Variants in POLR2F observed in about 807,000 individuals in gnomAD.
The protein encoded by POLR2F is DNA-directed RNA polymerases I, II, and III subunit RPABC2.
In POLR2F, 12 loss-of-function variants were observed where a neutral mutation model predicts 22.7. The observed-to-expected ratio is 0.53, with a 90% confidence interval of 0.34 to 0.86. The LOEUF (loss-of-function observed/expected upper bound fraction) is 0.86, where lower values mean the gene tolerates loss of function less well. POLR2F is among the 40% of genes least tolerant of loss of function. The probability of loss-of-function intolerance (pLI) is 0.02; values close to 1 mark genes in which losing one functional copy is unlikely to be tolerated. For synonymous variants in POLR2F, 57 were observed against 66.0 expected (o/e 0.86, Z 0.66); for missense variants, 126 against 171.5 (o/e 0.73, Z 1.48).
chr22:38,035,979 C>CTTT lies in POLR2F; in HGVS notation c.453-5077_453-5075dup, dbSNP rs68189085. 6.3e-5 allele frequency among the ~76,000 whole-genome samples: 9 copies of CTTT among 142,764 alleles called. No homozygotes were observed. The East Asian group carries it at 1.0e-3, about 17-fold the overall frequency. The allele number at this position is 142,764 out of a possible 152,430, so 93.7% of individuals were successfully genotyped here. ...GGTGAGGCACTGAGCCCCTGCTTTT[C>CTTT]TTTTTTTTTTTTTTGAGACAGAGTC... On this transcript the variant is annotated intron_variant, in intron 5 of 5. Transcript: ENST00000407936.
At chr22:37,959,808 T>G (rs1931555506) in intron 3 of POLR2F, among the ~76,000 whole-genome samples, 1 of 151,118 alleles carries the variant, frequency 6.6e-6, no homozygotes, top group African/African-American at 2.4e-5. Context: ...GTGTAGTTTT[T>G]TTTTTTTTTT....
At chr22:38,024,621 G>A (rs1217100732) in intron 1 of POLR2F, among the ~76,000 whole-genome samples, 5 of 152,268 alleles carry the variant, frequency 3.3e-5, no homozygotes, top group Admixed American at 6.5e-5. Flanking sequence ...GACACTTGGT[G>A]CTGACTGAGA....
intron 5 of POLR2F, among the ~76,000 whole-genome samples, chr22:38,034,500 A>G (rs1261673596): frequency 6.6e-6 from 1 of 152,210 alleles, no homozygotes; most frequent in Non-Finnish European, 1.5e-5. Context: ...ACCAGCTCTA[A>G]GGAGACCGAA....
Position 37,967,835 on chromosome 22 carries a change from A to C in POLR2F, c.*120A>C. 6.9e-7 allele frequency: 1 copy of C among 1,443,374 alleles called. No individual in the cohort carries two copies. The highest frequency in any genetic ancestry group is 9.1e-7 in the Non-Finnish European group (1 of 1,101,666). The allele number at this position is 1,443,374 out of a possible 1,614,324, so 89.4% of individuals were successfully genotyped here. ...CCCTCTGCTTATCTGCAATGTCACC[A>C]CCTGTTGCTTCCCCGTTACCGCCAT... On this transcript the variant is annotated 3_prime_UTR_variant, in exon 5 of 5. Coordinates refer to ENST00000442738, the MANE Select transcript of POLR2F (RefSeq NM_021974.5).
Position 37,953,734 on chromosome 22 carries a change from T to G in POLR2F, c.-54T>G, listed in dbSNP as rs1412631196. 1.9e-6 allele frequency: 3 copies of G among 1,590,758 alleles called. No homozygotes were observed. The highest frequency in any genetic ancestry group is 2.6e-6 in the Non-Finnish European group (3 of 1,172,804). On this transcript the variant is annotated 5_prime_UTR_variant, in exon 1 of 5. Coordinates refer to ENST00000442738, the MANE Select transcript of POLR2F (RefSeq NM_021974.5). ...CCGCGCGAGTCGTAGTGTCGCTGTT[T>G]GCGGGTCTCCGCGCGGGACCGGGGC... is the stretch of plus-strand genomic sequence containing the variant.
intron 1 of POLR2F, among the ~76,000 whole-genome samples, chr22:38,009,774 G>A (rs917952860): frequency 1.3e-5 from 2 of 152,104 alleles, no homozygotes; most frequent in South Asian, 2.1e-4. Flanking sequence ...GAAGGTACTC[G>A]TTTTTGTGTG....
chr22:38,022,943 G>A (rs2084973618), intron 1 of POLR2F, among the ~76,000 whole-genome samples: 1 of 151,996 alleles, frequency 6.6e-6, no homozygotes, highest in Admixed American at 6.5e-5. Context: ...CCCAGGGTGC[G>A]GAGGTTGCAG....
At chr22:37,961,798 G>A (rs1309899224) in intron 3 of POLR2F, among the ~76,000 whole-genome samples, 1 of 152,138 alleles carries the variant, frequency 6.6e-6, no homozygotes, top group Non-Finnish European at 1.5e-5. Context: ...ACAGAGCGGG[G>A]TACTCTAATG....
At chr22:37,983,934 C>T, upstream of POLR2F, 1 of 527,296 alleles carries the variant, frequency 1.9e-6, no homozygotes. This position sits in a 1 kb window ranked among gnomAD's most constrained non-coding sequence, Gnocchi z 9.5. Context: ...CGAGACAGGA[C>T]GTGGGCACAG....
upstream of POLR2F, chr22:37,983,798 G>A (rs1005034672): frequency 1.2e-5 from 17 of 1,418,244 alleles, no homozygotes; most frequent in African/African-American, 2.3e-4. This position sits in a 1 kb window ranked among gnomAD's most constrained non-coding sequence, Gnocchi z 9.5. Context: ...GCCCCCGGCC[G>A]CCGCCGCCGC....
chr22:37,970,592 C>A, downstream of POLR2F: 1 of 107,956 alleles, frequency 9.3e-6, no homozygotes, highest in African/African-American at 3.8e-5. Flanking sequence ...GGCAACAGAG[C>A]AAGACTCCAT....
chr22:38,012,439 T>C (rs1292848369), intron 1 of POLR2F, among the ~76,000 whole-genome samples: 1 of 152,208 alleles, frequency 6.6e-6, no homozygotes, highest in Non-Finnish European at 1.5e-5. Context: ...GCCAAGGCAG[T>C]ACAAAAAATT....
chr22:37,973,365 C>G (rs955360811), downstream of POLR2F: 16 of 660,958 alleles, frequency 2.4e-5, no homozygotes, highest in Non-Finnish European at 3.8e-5. Context: ...CAGAAAGCCC[C>G]CCGACCTGTC....
At chr22:37,995,978 G>A (rs1254398436) in intron 1 of POLR2F, among the ~76,000 whole-genome samples, 1 of 152,132 alleles carries the variant, frequency 6.6e-6, no homozygotes, top group African/African-American at 2.4e-5. Flanking sequence ...TCTATCCTGG[G>A]CAACAGGAGT....
chr22:37,992,152 A>G (rs1042643083), intron 1 of POLR2F, among the ~76,000 whole-genome samples: 2 of 152,156 alleles, frequency 1.3e-5, no homozygotes, highest in Non-Finnish European at 2.9e-5. Flanking sequence ...CCAGGTTTGA[A>G]TCCTGACACC....
In POLR2F at chr22:37,980,262, G is replaced by A. The variant is rs1376631245; in HGVS notation, c.293+13092G>A. 1.3e-5 allele frequency among the ~76,000 whole-genome samples: 2 copies of A among 152,106 alleles called. No individual in the cohort carries two copies. The highest frequency in any genetic ancestry group is 3.9e-4 in the East Asian group (2 of 5,192). ...AGGGTGTGACTGGGGAGAACCCACAGAGGAGAGAGCTGCTCCGCCAGCAGT... is the reference window on the plus strand; with the variant it reads ...AGGGTGTGACTGGGGAGAACCCACAAAGGAGAGAGCTGCTCCGCCAGCAGT... On this transcript the variant is annotated intron_variant, in intron 4 of 4. Coordinates refer to the POLR2F transcript ENST00000405557. This position sits in a 1 kb window ranked among gnomAD's most constrained non-coding sequence, Gnocchi z 4.1.
At chr22:38,025,544 T>C (rs2085000282) in intron 1 of POLR2F, 1 of 1,448,364 alleles carries the variant, frequency 6.9e-7, no homozygotes, top group Non-Finnish European at 9.1e-7. Context: ...CTCGTTTGCC[T>C]GTCCACGCCC....
In POLR2F at chr22:38,026,221, T is replaced by C. The variant is rs2085008659; in HGVS notation, c.400-53T>C. On this transcript the variant is annotated intron_variant, in intron 2 of 2. Transcript: ENST00000333418. ...TCCTCCTGAGCACTGAAGCCCTGAA[T>C]AGGCAGCTTCTGAGCAGAACACTCA... 2.1e-5 allele frequency: 11 copies of C among 532,832 alleles called. 1 individual carries two copies. Among genetic ancestry groups the C allele is most frequent in the South Asian group, 1.3e-4 (9 of 71,476 alleles). The allele number at this position is 532,832 out of a possible 1,614,324, so 33.0% of individuals were successfully genotyped here. A position where few individuals can be genotyped will look rare whatever the true frequency, so the allele number is the denominator to read the frequency against.
At chr22:37,954,774 A>G (rs1248790517) in intron 1 of POLR2F, among the ~76,000 whole-genome samples, 1 of 152,160 alleles carries the variant, frequency 6.6e-6, no homozygotes, top group African/African-American at 2.4e-5. Flanking sequence ...TAAAAATAAG[A>G]AACGTGTGGG....
Sources: allele counts gnomAD v4.1 joint callset (sites outside exome capture counted in the v4.1 genomes callset), GRCh38; gene constraint gnomAD v4.1.1; non-coding constraint Gnocchi (gnomAD v3.1); transcripts MANE v1.5; gene names NCBI Gene and HGNC (gene_info 2026-07-23, HGNC 2026-07-21).